ZNF346: variants seen among roughly 807,000 people sequenced by gnomAD.
ZNF346 encodes double-stranded RNA-binding zinc finger protein JAZ.
In ZNF346, 23 loss-of-function variants were observed where a neutral mutation model predicts 33.7. That is an observed-to-expected ratio of 0.68 (90% CI 0.49 to 0.97). ZNF346 has a LOEUF of 0.97. Ranked by LOEUF, ZNF346 falls within the 50% of genes least tolerant of loss-of-function variation. The probability of loss-of-function intolerance (pLI) is 0.00; values close to 1 mark genes in which losing one functional copy is unlikely to be tolerated. For missense variants in ZNF346, 340 were observed against 371.1 expected (o/e 0.92, Z 0.69); for synonymous variants, 134 against 142.4 (o/e 0.94, Z 0.42).
intron 1 of ZNF346, among the ~76,000 whole-genome samples, chr5:177,037,075 G>C (rs1277794116): frequency 6.6e-6 from 1 of 152,196 alleles, no homozygotes; most frequent in Non-Finnish European, 1.5e-5. Flanking sequence ...CTTCCAGAGT[G>C]CTGAAGTGGT....
Position 177,062,537 on chromosome 5 carries a change from C to T in ZNF346, c.797+386C>T, listed in dbSNP as rs749799297. ...TCAAATATGACCAGGCCCTCTCATT[C>T]CTTAATCAAATATATATTGAGCATC... On this transcript the variant is annotated intron_variant, in intron 6 of 6. Coordinates refer to ENST00000358149, the MANE Select transcript of ZNF346 (RefSeq NM_012279.4). 2.4e-4 allele frequency among the ~76,000 whole-genome samples: 36 copies of T among 152,134 alleles called. 1 individual carries two copies. Among genetic ancestry groups the T allele is most frequent in the Non-Finnish European group, 4.7e-4 (32 of 68,022 alleles).
chr5:177,027,060 T>C (rs369876709), intron 1 of ZNF346, among the ~76,000 whole-genome samples: 111 of 152,250 alleles, frequency 7.3e-4, no homozygotes, highest in African/African-American at 2.6e-3. Flanking sequence ...AAAAGTTATC[T>C]TCTTTTTTTT....
At chr5:177,075,382 C>T (rs905318847) in intron 8 of ZNF346, among the ~76,000 whole-genome samples, 4 of 152,080 alleles carry the variant, frequency 2.6e-5, no homozygotes, top group Non-Finnish European at 5.9e-5. Context: ...CCGGCCTGGG[C>T]GACAGAGCCA....
chr5:177,060,812 A>C (rs948278120), intron 5 of ZNF346, among the ~76,000 whole-genome samples: 7 of 130,342 alleles, frequency 5.4e-5, no homozygotes, highest in African/African-American at 1.7e-4. Flanking sequence ...CCATCTCTAA[A>C]TAAATAAATA....
chr5:177,077,805 A>G lies in ZNF346; in HGVS notation c.*3-1577A>G, dbSNP rs1783824674. Among the ~76,000 whole-genome samples the G allele has an allele frequency of 1.3e-5, 2 of 152,170 alleles. No homozygotes were observed. Among genetic ancestry groups the G allele is most frequent in the Admixed American group, 6.5e-5 (1 of 15,272 alleles). ...GAGGGGTCGTTACCAGAGAGAGGAAAAGGGTTTTAATGTCCAGTTTAGGGT... is the reference window on the plus strand; with the variant it reads ...GAGGGGTCGTTACCAGAGAGAGGAAGAGGGTTTTAATGTCCAGTTTAGGGT... On this transcript the variant is annotated intron_variant, in intron 8 of 8. Coordinates refer to the ZNF346 transcript ENST00000503039. This position sits in a 1 kb window ranked among gnomAD's most constrained non-coding sequence, Gnocchi z 5.0.
chr5:177,045,804 C>T (rs981028650), intron 4 of ZNF346, among the ~76,000 whole-genome samples: 1 of 151,984 alleles, frequency 6.6e-6, no homozygotes, highest in Non-Finnish European at 1.5e-5. Flanking sequence ...CATAATTACA[C>T]CTTTTTATCA....
rs137883343 is a variant in ZNF346 at position 177,076,770 on chromosome 5, G to A, written c.*3-2612G>A. On this transcript the variant is annotated intron_variant, in intron 8 of 8. Transcript: ENST00000503039. ...AATAAGTATCGTTGAGCCGGGCGTG[G>A]TGGCTCACGCCTGTAATCCCAGCAG... Among the ~76,000 whole-genome samples, 366 of 152,340 alleles carry A rather than the reference G, an allele frequency of 2.4e-3. 2 individuals are homozygous for A. Among genetic ancestry groups the A allele is most frequent in the African/African-American group, 8.3e-3 (345 of 41,580 alleles).
intron 1 of ZNF346, among the ~76,000 whole-genome samples, chr5:177,030,724 C>T (rs1393416849): frequency 6.6e-6 from 1 of 151,988 alleles, no homozygotes; most frequent in Non-Finnish European, 1.5e-5. Flanking sequence ...CAACCATCAC[C>T]ACTGTCTAAT....
Position 177,044,546 on chromosome 5 carries a change from C to A in ZNF346, c.517+13C>A. 6.2e-7 allele frequency: 1 copy of A among 1,613,066 alleles called. No homozygotes were observed. The highest frequency in any genetic ancestry group is 8.5e-7 in the Non-Finnish European group (1 of 1,179,850). On this transcript the variant is annotated intron_variant, in intron 4 of 6. Transcript: ENST00000358149. ...ACTAAGGTGGAAGGTACTGGTTTTC[C>A]TGAGTAGTGCTATAGTGGGACCCCT...
intron 1 of ZNF346, chr5:177,023,228 C>A (rs1405958681): frequency 6.5e-7 from 1 of 1,536,096 alleles, no homozygotes; most frequent in South Asian, 1.2e-5. Context: ...CAGTCTTTGC[C>A]ATCCCGGTAA....
intron 4 of ZNF346, among the ~76,000 whole-genome samples, chr5:177,044,793 G>A (rs944190824): frequency 4.6e-5 from 7 of 152,060 alleles, no homozygotes; most frequent in African/African-American, 1.7e-4. Flanking sequence ...TATAACTCAG[G>A]AGTGCCAAAG....
At chr5:177,049,505 A>G (rs1476329543) in intron 4 of ZNF346, among the ~76,000 whole-genome samples, 2 of 152,230 alleles carry the variant, frequency 1.3e-5, no homozygotes, top group African/African-American at 4.8e-5. Flanking sequence ...AGTCAACATC[A>G]AGCCATATGT....
At chr5:177,044,118 TAAGCAGACACGCTGCC>T (rs1220914804) in intron 3 of ZNF346, among the ~76,000 whole-genome samples, 1 of 151,986 alleles carries the variant, frequency 6.6e-6, no homozygotes, top group Non-Finnish European at 1.5e-5. Context: ...TCTTGAAGGC[TAAGCAGACACGCTGCC>T]AAGCAGGAAA....
At chr5:177,046,069 G>A (rs1779989698) in intron 4 of ZNF346, among the ~76,000 whole-genome samples, 1 of 152,054 alleles carries the variant, frequency 6.6e-6, no homozygotes, top group South Asian at 2.1e-4. Flanking sequence ...GGAGGCTGAG[G>A]TGGGCAGATC....
At chr5:177,076,474 C>A (rs1315825875) in intron 8 of ZNF346, among the ~76,000 whole-genome samples, 4 of 152,224 alleles carry the variant, frequency 2.6e-5, no homozygotes, top group African/African-American at 4.8e-5. Context: ...CAGGTTCCTC[C>A]TCCTCCACCA....
chr5:177,079,623 G>C (rs776328684), exon 9 of ZNF346: 8 of 152,320 alleles, frequency 5.3e-5, no homozygotes, highest in African/African-American at 1.7e-4. Context: ...TGGATACACT[G>C]TTTCATTTAG....
chr5:177,041,715 T>C, intron 2 of ZNF346, 63 bp from the exon 3 acceptor site: 2 of 1,062,588 alleles, frequency 1.9e-6, no homozygotes. Flanking sequence ...ATAAGTGTTT[T>C]TGAGTGCCTT....
chr5:177,027,710 CCCAGGCTAGAGTG>C (rs1355872651), intron 1 of ZNF346, among the ~76,000 whole-genome samples: 7 of 150,694 alleles, frequency 4.6e-5, no homozygotes, highest in Non-Finnish European at 5.9e-5. Flanking sequence ...GTCTCTGTTG[CCCAGGCTAGAGTG>C]CAGTGGCACA....
Position 177,064,913 on chromosome 5 carries a change from A to G in ZNF346, c.*314A>G. 3.2e-6 allele frequency: 1 copy of G among 314,326 alleles called. No individual in the cohort carries two copies. The highest frequency in any genetic ancestry group is 4.6e-5 in the Admixed American group (1 of 21,844). 19.5% of individuals were successfully genotyped at this position (314,326 alleles called of 1,614,324 possible). ...GGCCTTAGGTGCTGAGGCCCCTGCC[A>G]CCTGTCTTTCCTCTAAAGGTCAGTT... On this transcript the variant is annotated 3_prime_UTR_variant, in exon 7 of 7. Transcript: ENST00000358149.
Sources: gnomAD v4.1 joint callset for allele counts (sites outside exome capture counted in the v4.1 genomes callset) on GRCh38, gnomAD v4.1.1 for gene constraint, Gnocchi (gnomAD v3.1) non-coding constraint, MANE v1.5 for transcripts, NCBI Gene and HGNC (gene_info 2026-07-23, HGNC 2026-07-21) for gene names.